Variants in ALKBH8 observed in about 807,000 individuals in gnomAD.
The protein encoded by ALKBH8 is alkB homolog 8, tRNA methyltransferase.
Under a neutral mutation model 59.8 loss-of-function variants are expected in ALKBH8, and 36 were observed. The observed-to-expected ratio is 0.60, with a 90% CI of 0.46 to 0.79. The LOEUF is 0.79. Ranked by LOEUF, ALKBH8 falls within the 30% of genes least tolerant of loss-of-function variation. The probability of loss-of-function intolerance (pLI) is 0.00; values close to 1 mark genes in which losing one functional copy is unlikely to be tolerated. For missense variants in ALKBH8, 768 were observed against 801.0 expected (o/e 0.96, Z 0.50); for synonymous variants, 276 against 273.6 (o/e 1.01, Z -0.09).
chr11:107,527,277 T>G (rs1215026020), intron 8 of ALKBH8, among the ~76,000 whole-genome samples: 2 of 151,944 alleles, frequency 1.3e-5, no homozygotes, highest in African/African-American at 4.8e-5. Context: ...CCAGGCAAGG[T>G]TATCTCTCTA....
chr11:107,514,132 T>C (rs2135481138), intron 10 of ALKBH8, among the ~76,000 whole-genome samples: 1 of 152,216 alleles, frequency 6.6e-6, no homozygotes, highest in Admixed American at 6.5e-5. Flanking sequence ...TTTACATGAG[T>C]ATGCAGTGAA....
At chr11:107,527,876 C>T (rs1863419471) in intron 8 of ALKBH8, among the ~76,000 whole-genome samples, 1 of 151,998 alleles carries the variant, frequency 6.6e-6, no homozygotes, top group Admixed American at 6.6e-5. Context: ...TATGAGCGGA[C>T]ATCCCTGATT....
intron 11 of ALKBH8, among the ~76,000 whole-genome samples, chr11:107,510,399 T>TG (rs1862572149): frequency 6.6e-6 from 1 of 151,544 alleles, no homozygotes; most frequent in African/African-American, 2.4e-5. Flanking sequence ...GACAGAGTTT[T>TG]GAAAAAAAAG....
chr11:107,520,403 GA>G (rs1863059500), intron 10 of ALKBH8, among the ~76,000 whole-genome samples: 1 of 152,108 alleles, frequency 6.6e-6, no homozygotes, highest in Non-Finnish European at 1.5e-5. Flanking sequence ...TGTTTATCAA[GA>G]AATCATTCTT....
Position 107,551,797 on chromosome 11 carries a change from G to C in ALKBH8, c.700+11C>G, listed in dbSNP as rs752913970. ...ATATGTGACTAAAATTTTTGAACAA[G>C]AAATACTCACCTTGCCCAGGTTCAT... On this transcript the variant is annotated intron_variant, in intron 6 of 11. Coordinates refer to ENST00000428149, the MANE Select transcript of ALKBH8 (RefSeq NM_138775.3). The C allele has an allele frequency of 5.3e-6, 8 of 1,519,258 alleles. No individual in the cohort carries two copies. In the African/African-American group the frequency reaches 1.2e-4, roughly 22 times the overall value. The allele number at this position is 1,519,258 out of a possible 1,614,324, so 94.1% of individuals were successfully genotyped here.
At chr11:107,552,449 T>C (rs1864537085) in intron 5 of ALKBH8, among the ~76,000 whole-genome samples, 1 of 152,018 alleles carries the variant, frequency 6.6e-6, no homozygotes, top group African/African-American at 2.4e-5. Flanking sequence ...AGCCAGAATA[T>C]ACAGTAAATT....
intron 7 of ALKBH8, among the ~76,000 whole-genome samples, chr11:107,544,787 C>A (rs1864179363): frequency 6.6e-6 from 1 of 150,832 alleles, no homozygotes; most frequent in Non-Finnish European, 1.5e-5. Context: ...TAGAGCCATA[C>A]AGAAGTCACC....
At chr11:107,559,062 A>G (rs190683653) in intron 2 of ALKBH8, among the ~76,000 whole-genome samples, 1 of 152,314 alleles carries the variant, frequency 6.6e-6, no homozygotes, top group Non-Finnish European at 1.5e-5. Flanking sequence ...GTGGTAGTGA[A>G]TAAGTCTCAT....
At chr11:107,512,273 G>T (rs1339549210) in intron 10 of ALKBH8, among the ~76,000 whole-genome samples, 2 of 151,410 alleles carry the variant, frequency 1.3e-5, no homozygotes, top group Non-Finnish European at 2.9e-5. Context: ...GGAATAAATG[G>T]GAGGGGCTTA....
At chr11:107,540,148 C>T (rs1030944315) in intron 7 of ALKBH8, among the ~76,000 whole-genome samples, 4 of 152,140 alleles carry the variant, frequency 2.6e-5, no homozygotes, top group Non-Finnish European at 4.4e-5. Flanking sequence ...AGGTACCATG[C>T]ACACATTTAG....
In ALKBH8 at chr11:107,511,263, T is replaced by C. The variant is rs1591246964; in HGVS notation, c.1288-227A>G. 4.6e-5 allele frequency among the ~76,000 whole-genome samples: 7 copies of C among 152,198 alleles called. 1 individual carries two copies. The Middle Eastern group carries it at 0.02, about 444-fold the overall frequency. The stretch of plus-strand genomic sequence containing the variant: ...AGATATCAAACAGAACTCCAATTAG[T>C]GAAACAAAAAGACTGGAATAAAAAT... On this transcript the variant is annotated intron_variant, in intron 10 of 11. Transcript: ENST00000428149.
At chr11:107,521,815 A>T (rs1012647838) in intron 10 of ALKBH8, among the ~76,000 whole-genome samples, 39 of 151,932 alleles carry the variant, frequency 2.6e-4, no homozygotes, top group Admixed American at 2.0e-3. Flanking sequence ...TAAATAGAAA[A>T]TTTTTTTCTA....
At chr11:107,526,574 T>G (rs900823216) in intron 8 of ALKBH8, among the ~76,000 whole-genome samples, 6 of 151,984 alleles carry the variant, frequency 3.9e-5, no homozygotes, top group African/African-American at 9.7e-5. Flanking sequence ...AGCAGAAGTT[T>G]TTAATTTTGA....
intron 7 of ALKBH8, among the ~76,000 whole-genome samples, chr11:107,545,616 A>G (rs1316383523): frequency 6.6e-6 from 1 of 152,298 alleles, no homozygotes; most frequent in East Asian, 1.9e-4. Flanking sequence ...AAGTCATCAT[A>G]ATAAGAAATA....
chr11:107,513,437 C>CA (rs1862723955), intron 10 of ALKBH8, among the ~76,000 whole-genome samples: 1 of 152,148 alleles, frequency 6.6e-6, no homozygotes, highest in Non-Finnish European at 1.5e-5. Context: ...AATTCTTATA[C>CA]ACTGCTAGTG....
At chr11:107,552,940 T>A (rs1591319112) in intron 5 of ALKBH8, among the ~76,000 whole-genome samples, 168 bp downstream of exon 5, 1 of 152,216 alleles carries the variant, frequency 6.6e-6, no homozygotes, top group East Asian at 1.9e-4. Flanking sequence ...CAGTTTGAAA[T>A]TTTTTTACAA....
At chr11:107,556,652 G>T in intron 3 of ALKBH8, 114 bp downstream of exon 3, 1 of 650,162 alleles carries the variant, frequency 1.5e-6, no homozygotes, top group Non-Finnish European at 2.3e-6. Context: ...AGTAAAAGGA[G>T]CTGCTAACCT....
At chr11:107,551,498 A>G (rs1469895252) in intron 6 of ALKBH8, among the ~76,000 whole-genome samples, 10 of 152,080 alleles carry the variant, frequency 6.6e-5, no homozygotes, top group Non-Finnish European at 1.0e-4. Flanking sequence ...GTTTGAGACT[A>G]GCCTGGCCAA....
Position 107,536,652 on chromosome 11 carries a change from G to A in ALKBH8, c.772-4246C>T, listed in dbSNP as rs1863827199. On this transcript the variant is annotated intron_variant, in intron 7 of 11. Coordinates refer to ENST00000428149, the MANE Select transcript of ALKBH8 (RefSeq NM_138775.3). Reference sequence around the variant, plus strand: ...ATTGTCTCACTGCTGAGGGAACCCTGAATGAAAGGTTCCAGCAGTGTTATA... The same window carrying A: ...ATTGTCTCACTGCTGAGGGAACCCTAAATGAAAGGTTCCAGCAGTGTTATA... Among the ~76,000 whole-genome samples, 4 of 152,168 alleles carry A rather than the reference G, an allele frequency of 2.6e-5. No homozygotes were observed. The South Asian group carries it at 8.3e-4, about 32-fold the overall frequency.
Sources: allele counts gnomAD v4.1 joint callset (sites outside exome capture counted in the v4.1 genomes callset), GRCh38; gene constraint gnomAD v4.1.1; transcripts MANE v1.5; gene names NCBI Gene and HGNC (gene_info 2026-07-23, HGNC 2026-07-21).